SNX25: variants seen among roughly 807,000 people sequenced by gnomAD.
SNX25 encodes the protein sorting nexin 25.
In SNX25, 62 loss-of-function variants were observed where a neutral mutation model predicts 113.7. The ratio of observed to expected loss-of-function variants is 0.55; its 90% CI spans 0.44 to 0.67. The LOEUF (loss-of-function observed/expected upper bound fraction) is 0.67, where lower values mean the gene tolerates loss of function less well. Ranked by LOEUF, SNX25 falls within the 30% of genes least tolerant of loss-of-function variation. SNX25 has a pLI of 0.00. For missense variants in SNX25, 1,014 were observed against 1,161.0 expected (o/e 0.87, Z 1.84); for synonymous variants, 421 against 436.2 (o/e 0.97, Z 0.43).
intron 17 of SNX25, 117 bp downstream of exon 17, chr4:185,362,222 A>T (rs764730118): frequency 7.1e-7 from 1 of 1,408,336 alleles, no homozygotes; most frequent in Non-Finnish European, 9.2e-7. Context: ...AAAAAAAAGG[A>T]TCATACTCTT....
downstream of SNX25, chr4:185,366,912 A>G: frequency 3.5e-6 from 1 of 285,078 alleles, no homozygotes; most frequent in African/African-American, 2.2e-5. Context: ...TGCTGTATAG[A>G]ATGGTTTTAA....
chr4:185,355,292 C>T (rs542836368), intron 15 of SNX25, among the ~76,000 whole-genome samples: 1 of 152,198 alleles, frequency 6.6e-6, no homozygotes, highest in South Asian at 2.1e-4. Flanking sequence ...TGAGCCAAAG[C>T]TAAGAGAATA....
chr4:185,362,164 T>C, intron 17 of SNX25, 59 bp downstream of exon 17: 1 of 1,487,132 alleles, frequency 6.7e-7, no homozygotes, highest in Non-Finnish European at 9.0e-7. Flanking sequence ...TGAACCCCAC[T>C]GAGGTGATTT....
At chr4:185,282,688 A>T (rs1453371332) in intron 5 of SNX25, among the ~76,000 whole-genome samples, 1 of 152,214 alleles carries the variant, frequency 6.6e-6, no homozygotes, top group Non-Finnish European at 1.5e-5. Context: ...TGTAGGTAGG[A>T]TCTTGCCAGA....
the SNX25 span, chr4:185,376,936 G>A: frequency 6.2e-7 from 1 of 1,613,456 alleles, no homozygotes; most frequent in Non-Finnish European, 8.5e-7. Context: ...GACCTCGTAG[G>A]AAATATGCCA....
At chr4:185,314,319 C>A (rs2095052921) in intron 7 of SNX25, among the ~76,000 whole-genome samples, 1 of 96,710 alleles carries the variant, frequency 1.0e-5, no homozygotes, top group Non-Finnish European at 2.0e-5. Context: ...AGACTCCCCT[C>A]TCTACAAAAA....
At chr4:185,209,300 C>G (rs1427516293), upstream of SNX25, 1 of 152,266 alleles carries the variant, frequency 6.6e-6, no homozygotes, top group East Asian at 1.9e-4. This position sits in a 1 kb window ranked among gnomAD's most constrained non-coding sequence, Gnocchi z 5.2. Context: ...CAGTGATGAG[C>G]GGAGAGGGAG....
At position 185,210,941 on chromosome 4, in the gene SNX25, C is replaced by T. The variant is rs78875708; in HGVS notation, c.429+686C>T. On this transcript the variant is annotated intron_variant, in intron 1 of 18. Coordinates refer to ENST00000652585, the MANE Select transcript of SNX25 (RefSeq NM_001378034.2). The surrounding 1 kb of genome is among the most constrained non-coding windows in gnomAD (Gnocchi z 4.4). ...AGGAAAGAACAGTGTTTTAAATGAG[C>T]GCTTCTCTTCTTCAGTGCCAAACCC... 0.02 allele frequency among the ~76,000 whole-genome samples: 3,067 copies of T among 152,170 alleles called. 51 individuals are homozygous for T. Among genetic ancestry groups the T allele is most frequent in the Middle Eastern group, 0.061 (18 of 294 alleles).
At chr4:185,310,158 A>G (rs1461305506) in intron 6 of SNX25, among the ~76,000 whole-genome samples, 1 of 152,212 alleles carries the variant, frequency 6.6e-6, no homozygotes, top group Non-Finnish European at 1.5e-5. Context: ...TGTTTTCTTT[A>G]TAGCCCGTGT....
chr4:185,249,725 C>G (rs1375991225), intron 2 of SNX25, among the ~76,000 whole-genome samples: 1 of 152,014 alleles, frequency 6.6e-6, no homozygotes, highest in African/African-American at 2.4e-5. Context: ...TAAGTGCATC[C>G]AGTGAAATTT....
At chr4:185,308,747 C>G (rs182343433) in intron 6 of SNX25, among the ~76,000 whole-genome samples, 60 of 152,196 alleles carry the variant, frequency 3.9e-4, no homozygotes, top group African/African-American at 1.3e-3. Context: ...TTCTCTTCCC[C>G]CTTACTCTTA....
chr4:185,215,700 T>C (rs767745840), intron 1 of SNX25, among the ~76,000 whole-genome samples: 1 of 152,210 alleles, frequency 6.6e-6, no homozygotes, highest in Non-Finnish European at 1.5e-5. Flanking sequence ...ATTTCAGTCA[T>C]GGTGGCCACT....
At chr4:185,239,208 G>T (rs139951362) in intron 1 of SNX25, among the ~76,000 whole-genome samples, 2 of 152,018 alleles carry the variant, frequency 1.3e-5, no homozygotes, top group Non-Finnish European at 2.9e-5. Flanking sequence ...TCTGCCAGGC[G>T]CGGTGGCTCA....
chr4:185,360,930 A>AATATAT (rs3047488), intron 16 of SNX25, among the ~76,000 whole-genome samples: 15 of 139,626 alleles, frequency 1.1e-4, no homozygotes, highest in South Asian at 4.8e-4. Context: ...AAAAAAAAAT[A>AATATAT]ATATATATAT....
chr4:185,262,646 C>T (rs1480297338), intron 3 of SNX25, among the ~76,000 whole-genome samples: 2 of 152,182 alleles, frequency 1.3e-5, no homozygotes, highest in Non-Finnish European at 2.9e-5. Context: ...TTAATTTTCT[C>T]ATCTATAGAA....
chr4:185,216,349 T>C (rs923551798), intron 1 of SNX25, among the ~76,000 whole-genome samples: 2 of 152,170 alleles, frequency 1.3e-5, no homozygotes, highest in African/African-American at 2.4e-5. Flanking sequence ...AGTTTTTCTC[T>C]GTATAATCTG....
At chr4:185,370,573 T>A, downstream of SNX25, 1 of 1,523,172 alleles carries the variant, frequency 6.6e-7, no homozygotes, top group Non-Finnish European at 9.0e-7. Flanking sequence ...CGTAAAACTA[T>A]TCAAGTTGCA....
downstream of SNX25, chr4:185,367,203 A>T: frequency 6.2e-7 from 1 of 1,613,462 alleles, no homozygotes; most frequent in Non-Finnish European, 8.5e-7. Context: ...CGAATAAGTA[A>T]GGAGTGAAGT....
chr4:185,342,116 GGT>G lies in SNX25; in HGVS notation c.2187+1_2187+2del. ...AGAATTTACACCGGAAACTCAGTGA[GGT>G]ATGAATACTCATGAACGCAGTATTC... On this transcript the variant is annotated splice_donor_variant, in intron 12 of 18. Transcript: ENST00000652585. LOFTEE classifies it high-confidence loss of function. 7 of 1,591,886 alleles carry G rather than the reference GGT, an allele frequency of 4.4e-6. No individual in the cohort carries two copies. Among genetic ancestry groups the G allele is most frequent in the Non-Finnish European group, 6.0e-6 (7 of 1,171,124 alleles).
Sources: allele counts gnomAD v4.1 joint callset (sites outside exome capture counted in the v4.1 genomes callset), GRCh38; gene constraint gnomAD v4.1.1; non-coding constraint Gnocchi (gnomAD v3.1); transcripts MANE v1.5; gene names NCBI Gene and HGNC (gene_info 2026-07-23, HGNC 2026-07-21).